CBL: variants seen among roughly 807,000 people sequenced by gnomAD.
CBL encodes Cbl proto-oncogene, also known as E3 ubiquitin-protein ligase CBL.
In CBL, 45 loss-of-function variants were observed where a neutral mutation model predicts 96.9. The ratio of observed to expected loss-of-function variants is 0.46; its 90% confidence interval spans 0.37 to 0.60. The LOEUF (loss-of-function observed/expected upper bound fraction) is 0.60. Among genes scored for constraint, CBL ranks in the 20% least tolerant of loss-of-function variants. The pLI is 0.00. For missense variants in CBL, 1,024 were observed against 1,143.5 expected, an observed-to-expected ratio of 0.90 and a Z score of 1.51; for synonymous variants, 420 against 426.8, an observed-to-expected ratio of 0.98 and a Z score of 0.20.
At chr11:119,226,119 A>G (rs1372691697) in intron 1 of CBL, among the ~76,000 whole-genome samples, 31 of 152,112 alleles carry the variant, frequency 2.0e-4, no homozygotes, top group Non-Finnish European at 1.5e-4. Flanking sequence ...TGGTCACCCA[A>G]TTCTTGTGTT....
At chr11:119,290,879 T>C (rs1216329927) in intron 12 of CBL, among the ~76,000 whole-genome samples, 1 of 151,886 alleles carries the variant, frequency 6.6e-6, no homozygotes, top group African/African-American at 2.4e-5. Context: ...GGTTTCACCA[T>C]GTTGGCCAGG....
In CBL at chr11:119,307,586, CTA is replaced by C. The variant is rs1465766474; in HGVS notation, c.*7808_*7809del. The C allele has an allele frequency of 4.3e-6, 1 of 232,258 alleles. No homozygotes were observed. Among genetic ancestry groups the C allele is most frequent in the Non-Finnish European group, 8.5e-6 (1 of 117,176 alleles). 14.4% of individuals were successfully genotyped at this position (232,258 alleles called of 1,614,324 possible). ...CAGAAGCCTGTCCTCAGTAATGTGA[CTA>C]TAGTGAGCTTTAGCAAAAGTTTTTC... On this transcript the variant is annotated 3_prime_UTR_variant, in exon 16 of 16. Coordinates refer to ENST00000264033, the MANE Select transcript of CBL (RefSeq NM_005188.4).
chr11:119,236,622 T>TATATATATATATAC (rs398017756), intron 2 of CBL, among the ~76,000 whole-genome samples: 39 of 144,352 alleles, frequency 2.7e-4, no homozygotes, highest in Admixed American at 1.5e-3. Context: ...TATATATATA[T>TATATATATATATAC]ACCCATAGGA....
Position 119,278,701 on chromosome 11 carries a change from G to A in CBL, c.1419G>A (p.Leu473=). ...ADDTLFMMKE[L]AGAKVERPPS... ...ATACTCTCTTCATGATGAAGGAATTGGCTGGTGCCAAGGTAAGATGGCAGT... is the reference window on the plus strand; with the variant it reads ...ATACTCTCTTCATGATGAAGGAATTAGCTGGTGCCAAGGTAAGATGGCAGT... Residue 473 remains leucine, a synonymous_variant, in exon 9 of 16, where the codon TTG becomes TTA. Coordinates refer to ENST00000264033, the MANE Select transcript of CBL (RefSeq NM_005188.4). 1 of 1,614,044 alleles carries A rather than the reference G, an allele frequency of 6.2e-7. No individual in the cohort carries two copies. The highest frequency in any genetic ancestry group is 8.5e-7 in the Non-Finnish European group (1 of 1,179,984).
intron 3 of CBL, 71 bp downstream of exon 3, chr11:119,271,952 T>A: frequency 7.0e-7 from 1 of 1,436,478 alleles, no homozygotes; most frequent in Non-Finnish European, 9.7e-7. Context: ...ACTTTTTTAC[T>A]AATGAAATAT....
intron 1 of CBL, among the ~76,000 whole-genome samples, chr11:119,208,261 G>A (rs184526544): frequency 6.6e-6 from 1 of 152,202 alleles, no homozygotes; most frequent in East Asian, 1.9e-4. Context: ...TTTTACTCTG[G>A]CATAGAAAAA....
At chr11:119,272,983 T>TA (rs71470964) in intron 3 of CBL, among the ~76,000 whole-genome samples, 41,557 of 150,614 alleles carry the variant, frequency 0.28, 6,132 homozygotes, top group South Asian at 0.59. Flanking sequence ...TCGTTTTATT[T>TA]TTTTTTTTTT....
intron 1 of CBL, among the ~76,000 whole-genome samples, chr11:119,208,088 C>T (rs541702744): frequency 1.3e-5 from 2 of 152,132 alleles, no homozygotes; most frequent in East Asian, 3.9e-4. Flanking sequence ...TGGTGTAGTA[C>T]TAATTTTATT....
At chr11:119,294,162 C>T (rs1318680313) in intron 12 of CBL, among the ~76,000 whole-genome samples, 4 of 152,224 alleles carry the variant, frequency 2.6e-5, no homozygotes, top group Non-Finnish European at 4.4e-5. Context: ...GGCACGGTGG[C>T]TCACGCCTGT....
chr11:119,228,211 G>A (rs983883691), intron 1 of CBL, among the ~76,000 whole-genome samples: 5 of 152,004 alleles, frequency 3.3e-5, no homozygotes, highest in African/African-American at 7.2e-5. Flanking sequence ...CGCCTCAAGC[G>A]GCCCTCCCAC....
chr11:119,272,690 T>G (rs904256593), intron 3 of CBL, among the ~76,000 whole-genome samples: 3 of 152,192 alleles, frequency 2.0e-5, no homozygotes, highest in Non-Finnish European at 4.4e-5. Flanking sequence ...TATTCCCTGA[T>G]GAGAAGGGAG....
chr11:119,250,225 C>A (rs757207415), intron 2 of CBL, among the ~76,000 whole-genome samples: 100 of 152,308 alleles, frequency 6.6e-4, no homozygotes, highest in African/African-American at 1.0e-3. Context: ...GACCTTTAAT[C>A]TAGGGTAAAT....
chr11:119,307,895 A>T lies in CBL; in HGVS notation c.*8114A>T, dbSNP rs1591277142. The stretch of plus-strand genomic sequence containing the variant: ...TAAAAAATTTATATTAGCAGTATTT[A>T]ATCATTCTCACCTGTAAAGAATAAG... On this transcript the variant is annotated 3_prime_UTR_variant, in exon 16 of 16. Coordinates refer to ENST00000264033, the MANE Select transcript of CBL (RefSeq NM_005188.4). 1 of 201,222 alleles carries T rather than the reference A, an allele frequency of 5.0e-6. No homozygotes were observed. Among genetic ancestry groups the T allele is most frequent in the East Asian group, 7.7e-5 (1 of 12,988 alleles). 12.5% of individuals were successfully genotyped at this position (201,222 alleles called of 1,614,324 possible).
rs1592397440 is a variant in CBL, at chr11:119,271,952, TAATGA to T, written c.590+75_590+79del. 2.8e-6 allele frequency: 4 copies of T among 1,436,476 alleles called. No individual in the cohort carries two copies. In the East Asian group the frequency reaches 9.1e-5, roughly 33 times the overall value. 89.0% of individuals were successfully genotyped at this position (1,436,476 alleles called of 1,614,324 possible). A position where few individuals can be genotyped will look rare whatever the true frequency, so the allele number is the denominator to read the frequency against. ...ACGAGTTTTTTCTTTACTTTTTTAC[TAATGA>T]AATATTTAAAATTTGGGAACTCTGA... is the stretch of plus-strand genomic sequence containing the variant. On this transcript the variant is annotated intron_variant, in intron 3 of 15. Coordinates refer to ENST00000264033, the MANE Select transcript of CBL (RefSeq NM_005188.4).
rs866243666 is a variant in CBL, at chr11:119,297,491, C to T, written c.2251+10C>T. The T allele has an allele frequency of 6.4e-7, 1 of 1,569,310 alleles. No homozygotes were observed. The highest frequency in any genetic ancestry group is 1.4e-5 in the African/African-American group (1 of 74,062). ...GAGAGCAGCACCTTTGGTAAGTTGC[C>T]ATTCTGCTACTTTAAAAATCATTGA... is the stretch of plus-strand genomic sequence containing the variant. On this transcript the variant is annotated intron_variant, in intron 14 of 15. Transcript: ENST00000264033.
intron 2 of CBL, among the ~76,000 whole-genome samples, chr11:119,241,078 A>G (rs1278551295): frequency 6.6e-6 from 1 of 151,800 alleles, no homozygotes; most frequent in Non-Finnish European, 1.5e-5. Context: ...CTCAAAAATA[A>G]AAAATAAAAA....
intron 1 of CBL, among the ~76,000 whole-genome samples, chr11:119,230,475 A>G (rs1251824011): frequency 1.3e-5 from 2 of 152,220 alleles, no homozygotes; most frequent in East Asian, 3.8e-4. Context: ...AATAAAAACG[A>G]GAATGTCAGG....
intron 2 of CBL, among the ~76,000 whole-genome samples, chr11:119,240,271 GGGTGACA>G (rs1189750757): frequency 6.6e-6 from 1 of 151,776 alleles, no homozygotes; most frequent in Non-Finnish European, 1.5e-5. Context: ...ACTCCAGCCT[GGGTGACA>G]GGGTGAGACT....
In CBL at chr11:119,278,314, C is replaced by A. The variant is rs749579743; in HGVS notation, c.1227+17C>A. 12 of 1,613,492 alleles carry A rather than the reference C, an allele frequency of 7.4e-6. No homozygotes were observed. Among genetic ancestry groups the A allele is most frequent in the Admixed American group, 3.3e-5 (2 of 59,974 alleles). On this transcript the variant is annotated intron_variant, in intron 8 of 15. Transcript: ENST00000264033. ...TCCTGGCAGGTACGGATCTAAACAG[C>A]GACTTTTTTCAGCTATGTAATAACC...
Sources: allele counts gnomAD v4.1 joint callset (sites outside exome capture counted in the v4.1 genomes callset), GRCh38; gene constraint gnomAD v4.1.1; transcripts MANE v1.5; gene names NCBI Gene and HGNC (gene_info 2026-07-23, HGNC 2026-07-21).